Variants in TMPRSS15 observed in about 807,000 individuals in gnomAD.
TMPRSS15 encodes transmembrane serine protease 15.
Under a neutral mutation model 125.3 loss-of-function variants are expected in TMPRSS15, and 128 were observed. That is an observed-to-expected ratio of 1.02 (90% CI 0.89 to 1.18). The LOEUF (loss-of-function observed/expected upper bound fraction) is 1.18. Among genes scored for constraint, TMPRSS15 ranks in the 50% most tolerant of loss-of-function variants. The probability of loss-of-function intolerance (pLI) is 0.00; values close to 1 mark genes in which losing one functional copy is unlikely to be tolerated. For missense variants in TMPRSS15, 1,283 were observed against 1,212.7 expected, an observed-to-expected ratio of 1.06 and a Z score of -0.86; for synonymous variants, 446 against 423.2, an observed-to-expected ratio of 1.05 and a Z score of -0.66.
At chr21:18,280,941 G>A in intron 22 of TMPRSS15, 99 bp downstream of exon 22, 1 of 1,259,144 alleles carries the variant, frequency 7.9e-7, no homozygotes, top group African/African-American at 1.5e-5. Flanking sequence ...AAATTATCTA[G>A]CTTTTATGAA....
At chr21:18,315,787 T>G (rs2075159266) in intron 16 of TMPRSS15, among the ~76,000 whole-genome samples, 1 of 145,566 alleles carries the variant, frequency 6.9e-6, no homozygotes, top group African/African-American at 2.6e-5. Context: ...GGCACATGTA[T>G]ACACATGTAA....
intron 1 of TMPRSS15, among the ~76,000 whole-genome samples, chr21:18,461,383 C>T (rs1219414395): frequency 6.6e-6 from 1 of 152,064 alleles, no homozygotes; most frequent in Non-Finnish European, 1.5e-5. Context: ...AGCCTTCTTT[C>T]CTGGAAATAC....
chr21:18,428,282 A>C (rs180976721), intron 1 of TMPRSS15, among the ~76,000 whole-genome samples: 10 of 152,328 alleles, frequency 6.6e-5, no homozygotes, highest in Non-Finnish European at 1.2e-4. Flanking sequence ...CAGTTTCATA[A>C]GGGAAGCTGA....
At chr21:18,459,813 G>A (rs927032408) in intron 1 of TMPRSS15, among the ~76,000 whole-genome samples, 25 of 152,110 alleles carry the variant, frequency 1.6e-4, no homozygotes, top group African/African-American at 2.2e-4. Context: ...ACTTCTCTGC[G>A]AACATGATAC....
intron 3 of TMPRSS15, among the ~76,000 whole-genome samples, chr21:18,390,938 C>G (rs1355953286): frequency 6.6e-6 from 1 of 152,106 alleles, no homozygotes; most frequent in East Asian, 1.9e-4. Context: ...ACCTTCTTCA[C>G]GTGGTGGCAG....
intron 1 of TMPRSS15, among the ~76,000 whole-genome samples, chr21:18,422,014 G>C (rs899647885): frequency 1.4e-5 from 2 of 144,372 alleles, no homozygotes; most frequent in Non-Finnish European, 3.0e-5. Flanking sequence ...GACTACGTCT[G>C]GCTCTGTCAC....
intron 1 of TMPRSS15, among the ~76,000 whole-genome samples, chr21:18,458,738 A>C (rs543939244): frequency 5.2e-4 from 79 of 152,166 alleles, no homozygotes; most frequent in Non-Finnish European, 9.7e-4. Context: ...ATAGAAGAGA[A>C]TCTCAACCCT....
At chr21:18,349,780 G>A (rs763277246) in intron 10 of TMPRSS15, among the ~76,000 whole-genome samples, 33 of 152,084 alleles carry the variant, frequency 2.2e-4, no homozygotes, top group Non-Finnish European at 4.3e-4. Flanking sequence ...TTTCAGACCC[G>A]ACTATTTAAA....
At position 18,283,159 on chromosome 21, in the gene TMPRSS15, C is replaced by T. The variant is rs1053580910; in HGVS notation, c.2487-1938G>A. Reference sequence around the variant, plus strand: ...CAGACAGCACCCCACTTCCACTGTACCCTGGGATTCCCGTGTCTACTTTAG... The same window carrying T: ...CAGACAGCACCCCACTTCCACTGTATCCTGGGATTCCCGTGTCTACTTTAG... On this transcript the variant is annotated intron_variant, in intron 21 of 24. Coordinates refer to ENST00000284885, the MANE Select transcript of TMPRSS15 (RefSeq NM_002772.3). 1.6e-4 allele frequency among the ~76,000 whole-genome samples: 25 copies of T among 152,240 alleles called. No individual in the cohort carries two copies. The East Asian group carries it at 4.8e-3, about 29-fold the overall frequency.
chr21:18,281,969 C>G (rs1255961966), intron 21 of TMPRSS15, among the ~76,000 whole-genome samples: 1 of 151,466 alleles, frequency 6.6e-6, no homozygotes, highest in African/African-American at 2.4e-5. Flanking sequence ...TGGTGGTGGG[C>G]GCCTGTAGTC....
Position 18,479,471 on chromosome 21 carries a change from T to G in TMPRSS15, c.10+6328A>C, listed in dbSNP as rs1221552626. On this transcript the variant is annotated intron_variant, in intron 1 of 7. Coordinates refer to the TMPRSS15 transcript ENST00000422787. ...CAATAGGATAGTTCTGAGTCACAAA[T>G]GCATCATGGCAATTTTCTTTCATAG... Among the ~76,000 whole-genome samples, 3 of 152,086 alleles carry G rather than the reference T, an allele frequency of 2.0e-5. No homozygotes were observed. The East Asian group carries it at 5.8e-4, about 29-fold the overall frequency.
intron 18 of TMPRSS15, among the ~76,000 whole-genome samples, chr21:18,311,385 A>T (rs1286372729): frequency 6.6e-6 from 1 of 152,200 alleles, no homozygotes; most frequent in Non-Finnish European, 1.5e-5. Flanking sequence ...AAACAAATCG[A>T]CAAGAAATAA....
intron 3 of TMPRSS15, among the ~76,000 whole-genome samples, chr21:18,386,443 T>C (rs2075944515): frequency 1.3e-5 from 2 of 152,204 alleles, no homozygotes; most frequent in African/African-American, 2.4e-5. Context: ...TTTTATTCTG[T>C]TGCATAGTTA....
chr21:18,448,381 A>G lies in TMPRSS15; in HGVS notation c.10+37418T>C, dbSNP rs146063875. Among the ~76,000 whole-genome samples, 271 of 152,288 alleles carry G rather than the reference A, an allele frequency of 1.8e-3. 3 individuals are homozygous for G. In the South Asian group the frequency reaches 0.018, roughly 10 times the overall value. ...TTTAGTTTATAGCTAAATATATTTA[A>G]TATCCATGAGCTTTGGGAACATGGG... On this transcript the variant is annotated intron_variant, in intron 1 of 7. Coordinates refer to the TMPRSS15 transcript ENST00000422787.
chr21:18,482,998 C>T (rs1054527674), intron 1 of TMPRSS15, among the ~76,000 whole-genome samples: 3 of 151,516 alleles, frequency 2.0e-5, no homozygotes, highest in African/African-American at 7.3e-5. Flanking sequence ...ATTACTGGGT[C>T]CCAGGTGCAA....
Position 18,309,023 on chromosome 21 carries a change from T to C in TMPRSS15, c.2165+3922A>G, listed in dbSNP as rs2075066937. Among the ~76,000 whole-genome samples, 3 of 152,328 alleles carry C rather than the reference T, an allele frequency of 2.0e-5. No individual in the cohort carries two copies. In the East Asian group the frequency reaches 5.8e-4, roughly 29 times the overall value. ...GACATTTGGGTTGGTTTCAAGTCTT[T>C]GCTGTTGTGAACAGTGCTGCAATAA... On this transcript the variant is annotated intron_variant, in intron 18 of 24. Coordinates refer to ENST00000284885, the MANE Select transcript of TMPRSS15 (RefSeq NM_002772.3).
intron 1 of TMPRSS15, among the ~76,000 whole-genome samples, chr21:18,442,733 T>G (rs2076245238): frequency 6.6e-6 from 1 of 152,218 alleles, no homozygotes; most frequent in African/African-American, 2.4e-5. Context: ...TATTCCATGG[T>G]AATTTCTCCC....
intron 1 of TMPRSS15, among the ~76,000 whole-genome samples, chr21:18,413,243 T>TCTCG (rs1310252454): frequency 7.1e-6 from 1 of 141,466 alleles, no homozygotes; most frequent in East Asian, 2.4e-4. Context: ...TTTCTCTCTC[T>TCTCG]TTCTTCCTTC....
intron 1 of TMPRSS15, among the ~76,000 whole-genome samples, chr21:18,413,317 TTCCTTCCTTCC>T (rs2076171750): frequency 3.1e-5 from 3 of 95,246 alleles, no homozygotes; most frequent in East Asian, 4.8e-4. Flanking sequence ...TTTCTTTTCC[TTCCTTCCTTCC>T]TTCCTTCCTT....
Sources: gnomAD v4.1 joint callset for allele counts (sites outside exome capture counted in the v4.1 genomes callset) on GRCh38, gnomAD v4.1.1 for gene constraint, MANE v1.5 for transcripts, NCBI Gene and HGNC (gene_info 2026-07-23, HGNC 2026-07-21) for gene names.